Variants in UPP2 observed in about 807,000 individuals in gnomAD.
UPP2 encodes the protein uridine phosphorylase 2, also known as UPase 2.
UPP2 carries 23 observed loss-of-function variants against 26.7 expected under a neutral mutation model. The observed-to-expected ratio is 0.86, with a 90% CI of 0.62 to 1.22. The LOEUF (loss-of-function observed/expected upper bound fraction) is 1.22. Ranked by LOEUF, UPP2 falls within the 50% of genes most tolerant of loss-of-function variation. The probability of loss-of-function intolerance (pLI) is 0.00; values close to 1 mark genes in which losing one functional copy is unlikely to be tolerated. For missense variants in UPP2, 387 were observed against 396.7 expected, an observed-to-expected ratio of 0.98 and a Z score of 0.21; for synonymous variants, 127 against 141.3, an observed-to-expected ratio of 0.90 and a Z score of 0.72.
intron 2 of UPP2, among the ~76,000 whole-genome samples, chr2:158,111,889 T>C (rs1381626609): frequency 6.6e-6 from 1 of 152,062 alleles, no homozygotes; most frequent in Non-Finnish European, 1.5e-5. Context: ...TATACAGGAA[T>C]CAAATAAACA....
At chr2:158,049,849 G>C (rs992416061) in intron 3 of UPP2, among the ~76,000 whole-genome samples, 1 of 152,150 alleles carries the variant, frequency 6.6e-6, no homozygotes, top group Non-Finnish European at 1.5e-5. Flanking sequence ...TCATACATTA[G>C]AATTCAAAAT....
intron 3 of UPP2, among the ~76,000 whole-genome samples, chr2:158,069,053 C>T (rs563448817): frequency 1.1e-4 from 16 of 151,124 alleles, no homozygotes; most frequent in Admixed American, 5.3e-4. Context: ...CCTCGTGATC[C>T]GCCCACCTCG....
rs111528430 is a variant in UPP2 at position 158,132,055 on chromosome 2, C to T, written c.812-2693C>T. Among the ~76,000 whole-genome samples, 1,122 of 152,256 alleles carry T rather than the reference C, an allele frequency of 7.4e-3. 10 individuals carry two copies. The highest frequency in any genetic ancestry group is 0.025 in the African/African-American group (1,051 of 41,550). Reference sequence around the variant, plus strand: ...GAGAAGGACTTTCAACTTTTCTGTGCGACTGCCAGCCCATGTCAGGCTTCA... The same window carrying T: ...GAGAAGGACTTTCAACTTTTCTGTGTGACTGCCAGCCCATGTCAGGCTTCA... On this transcript the variant is annotated intron_variant, in intron 6 of 6. Coordinates refer to ENST00000005756, the MANE Select transcript of UPP2 (RefSeq NM_173355.4).
At chr2:158,059,470 TGA>T (rs1291060826) in intron 3 of UPP2, among the ~76,000 whole-genome samples, 1 of 152,262 alleles carries the variant, frequency 6.6e-6, no homozygotes, top group African/African-American at 2.4e-5. Context: ...GAGCTTCCTC[TGA>T]GTGTTGTTCC....
chr2:158,074,419 A>G (rs577437901), intron 3 of UPP2, among the ~76,000 whole-genome samples: 30 of 152,240 alleles, frequency 2.0e-4, no homozygotes, highest in African/African-American at 7.0e-4. Flanking sequence ...AAAAGTTAAA[A>G]AGCTGGGGGA....
rs138801990 is a variant in UPP2 at position 158,123,826 on chromosome 2, G to C, written c.742G>C (p.Ala248Pro). The C allele has an allele frequency of 5.0e-6, 8 of 1,614,092 alleles. No individual in the cohort carries two copies. The highest frequency in any genetic ancestry group is 1.6e-4 in the Middle Eastern group (1 of 6,062). ...KLDYLKRAFK[A>P]GVRNIEMEST... ...AGACTACTTGAAGAGAGCATTTAAA[G>C]CTGGTGTCAGGAATATTGAAATGGA... Residue 248 changes from alanine to proline, a missense_variant, in exon 6 of 7, where the codon GCT becomes CCT. Physicochemically the swap from Ala to Pro is conservative, Grantham distance 27. Coordinates refer to ENST00000005756, the MANE Select transcript of UPP2 (RefSeq NM_173355.4).
At chr2:158,082,347 G>A (rs1413706987) in intron 3 of UPP2, among the ~76,000 whole-genome samples, 3 of 150,908 alleles carry the variant, frequency 2.0e-5, no homozygotes, top group Admixed American at 6.6e-5. Context: ...GCCTTTTATC[G>A]CTTACCACCT....
At position 158,001,940 on chromosome 2, in the gene UPP2, CTGGGGAGAATGAGCACCAAAAAAAA is replaced by C. The variant is rs1683413984; in HGVS notation, c.61+6682_61+6706del. Among the ~76,000 whole-genome samples, 3 of 114,968 alleles carry C rather than the reference CTGGGGAGAATGAGCACCAAAAAAAA, an allele frequency of 2.6e-5. No homozygotes were observed. In the South Asian group the frequency reaches 9.5e-4, roughly 36 times the overall value. 75.4% of individuals were successfully genotyped at this position (114,968 alleles called of 152,430 possible). A position where few individuals can be genotyped will look rare whatever the true frequency, so the allele number is the denominator to read the frequency against. On this transcript the variant is annotated intron_variant, in intron 2 of 9. Coordinates refer to the UPP2 transcript ENST00000605860. The stretch of plus-strand genomic sequence containing the variant: ...TGAAGCGGACAGCTTTTCTGGTTGC[CTGGGGAGAATGAGCACCAAAAAAAA>C]AAAAAAAAAAAAAAAAAGAAGAGAG...
intron 3 of UPP2, among the ~76,000 whole-genome samples, chr2:158,085,407 T>G (rs1052186631): frequency 1.3e-5 from 2 of 152,072 alleles, no homozygotes; most frequent in South Asian, 2.1e-4. Context: ...TTTGGAGGAG[T>G]CTTTAGGGTT....
chr2:158,115,411 C>T, intron 3 of UPP2, 152 bp downstream of exon 3: 1 of 920,092 alleles, frequency 1.1e-6, no homozygotes, highest in Non-Finnish European at 1.5e-6. Context: ...GGAAAAAGCC[C>T]CCAGGGCAGA....
rs1683918605 is a variant in UPP2, at chr2:158,135,709, A to C, written c.*819A>C. ...AGACTTGAGTTCAAGATGTTAAAGGAATCCTTTTGTATGACTTGTCCAGAC... is the reference window on the plus strand; with the variant it reads ...AGACTTGAGTTCAAGATGTTAAAGGCATCCTTTTGTATGACTTGTCCAGAC... On this transcript the variant is annotated 3_prime_UTR_variant, in exon 7 of 7. Coordinates refer to ENST00000005756, the MANE Select transcript of UPP2 (RefSeq NM_173355.4). 1.3e-5 allele frequency: 2 copies of C among 152,198 alleles called. No homozygotes were observed. The highest frequency in any genetic ancestry group is 2.9e-5 in the Non-Finnish European group (2 of 68,046). 9.4% of individuals were successfully genotyped at this position (152,198 alleles called of 1,614,324 possible).
chr2:158,006,598 A>C (rs375638139), intron 2 of UPP2, among the ~76,000 whole-genome samples: 5 of 152,172 alleles, frequency 3.3e-5, no homozygotes, highest in Admixed American at 6.5e-5. Flanking sequence ...TCCAGAAACA[A>C]GGGAGAGATA....
intron 6 of UPP2, among the ~76,000 whole-genome samples, chr2:158,131,402 T>C (rs942637258): frequency 1.3e-5 from 2 of 152,136 alleles, no homozygotes; most frequent in Admixed American, 1.3e-4. Flanking sequence ...GGTGCGTGGA[T>C]TCCTAAGGAT....
chr2:157,996,338 T>G (rs1341019488), intron 2 of UPP2, among the ~76,000 whole-genome samples: 1 of 152,240 alleles, frequency 6.6e-6, no homozygotes, highest in Non-Finnish European at 1.5e-5. Flanking sequence ...TAATATTTAT[T>G]GAGCTCTTTT....
At chr2:158,045,147 A>G (rs16842466) in intron 3 of UPP2, among the ~76,000 whole-genome samples, 3,079 of 152,286 alleles carry the variant, frequency 0.02, 101 homozygotes, top group African/African-American at 0.069. Context: ...CTTGAAAACC[A>G]GGCTTAGATG....
chr2:158,011,983 T>C (rs1683586329), intron 2 of UPP2, among the ~76,000 whole-genome samples: 1 of 152,176 alleles, frequency 6.6e-6, no homozygotes, highest in Non-Finnish European at 1.5e-5. Context: ...GTCTCCCCTC[T>C]TGCTTAGAGC....
chr2:158,045,491 A>G lies in UPP2; in HGVS notation c.147+29605A>G, dbSNP rs1684139745. ...AGGTAATTTGGGGTACTGAAGTGGC[A>G]TGAGCATTTCGCTCCATACCATGCC... On this transcript the variant is annotated intron_variant, in intron 3 of 9. Transcript: ENST00000605860. 3.9e-5 allele frequency among the ~76,000 whole-genome samples: 6 copies of G among 152,334 alleles called. No homozygotes were observed. In the South Asian group the frequency reaches 1.2e-3, roughly 32 times the overall value.
At chr2:158,022,334 C>T (rs2105149365) in intron 3 of UPP2, among the ~76,000 whole-genome samples, 1 of 151,728 alleles carries the variant, frequency 6.6e-6, no homozygotes, top group East Asian at 1.9e-4. Context: ...TGGCGGGCGC[C>T]TGTAATCCCA....
intron 3 of UPP2, among the ~76,000 whole-genome samples, chr2:158,095,060 C>T (rs1682964998): frequency 6.6e-6 from 1 of 152,160 alleles, no homozygotes; most frequent in Non-Finnish European, 1.5e-5. Context: ...AGCCCTCATA[C>T]CCTTTAACTA....
Sources: gnomAD v4.1 joint callset for allele counts (sites outside exome capture counted in the v4.1 genomes callset) on GRCh38, gnomAD v4.1.1 for gene constraint, MANE v1.5 for transcripts, NCBI Gene and HGNC (gene_info 2026-07-23, HGNC 2026-07-21) for gene names.